Variants in KIF21A observed in about 807,000 individuals in gnomAD.
The protein encoded by KIF21A is kinesin family member 21A.
Under a neutral mutation model 202.9 loss-of-function variants are expected in KIF21A, and 114 were observed. That is an observed-to-expected ratio of 0.56 (90% confidence interval 0.48 to 0.66). The LOEUF (loss-of-function observed/expected upper bound fraction) is 0.66, where lower values mean the gene tolerates loss of function less well. Ranked by LOEUF, KIF21A falls within the 30% of genes least tolerant of loss-of-function variation. The pLI, the probability that KIF21A is intolerant of heterozygous loss-of-function variation, is 0.00. For missense variants in KIF21A, 1,677 were observed against 1,994.9 expected (o/e 0.84, Z 3.04); for synonymous variants, 667 against 670.8 (o/e 0.99, Z 0.09).
intron 33 of KIF21A, among the ~76,000 whole-genome samples, chr12:39,308,884 A>C (rs1943734284): frequency 6.6e-6 from 1 of 152,222 alleles, no homozygotes; most frequent in African/African-American, 2.4e-5. Flanking sequence ...ACTTAAAAAC[A>C]GTCTCTACTA....
At chr12:39,297,965 G>A (rs1323517875) in intron 37 of KIF21A, among the ~76,000 whole-genome samples, 1 of 150,182 alleles carries the variant, frequency 6.7e-6, no homozygotes, top group Non-Finnish European at 1.5e-5. Context: ...GCTCAATTTT[G>A]GATATGTTAA....
Position 39,315,920 on chromosome 12 carries a change from G to A in KIF21A, c.3947+12C>T, listed in dbSNP as rs770652677. 2 of 1,597,064 alleles carry A rather than the reference G, an allele frequency of 1.3e-6. No homozygotes were observed. Among genetic ancestry groups the A allele is most frequent in the East Asian group, 2.2e-5 (1 of 44,706 alleles). ...AAATTCCAGAATGTAGGAAAGGCAG[G>A]AAAGAAAGTACCTGTGTACCTCCGA... On this transcript the variant is annotated intron_variant, in intron 30 of 37. Coordinates refer to ENST00000361418, the MANE Select transcript of KIF21A (RefSeq NM_001173464.2).
At chr12:39,428,121 A>G (rs1246414326) in intron 1 of KIF21A, among the ~76,000 whole-genome samples, 1 of 152,234 alleles carries the variant, frequency 6.6e-6, no homozygotes, top group Non-Finnish European at 1.5e-5. Context: ...TTATCCTAAT[A>G]GCTTATATGT....
At chr12:39,315,533 T>C (rs1944439459) in intron 30 of KIF21A, among the ~76,000 whole-genome samples, 1 of 152,014 alleles carries the variant, frequency 6.6e-6, no homozygotes, top group African/African-American at 2.4e-5. Context: ...TTTAATCATA[T>C]AATCTTTTTA....
At chr12:39,311,378 A>C (rs1428736998) in intron 32 of KIF21A, 39 bp downstream of exon 32, 1 of 1,584,804 alleles carries the variant, frequency 6.3e-7, no homozygotes, top group South Asian at 1.1e-5. Context: ...TTTTTAAAAA[A>C]AAAGCTATTA....
chr12:39,302,496 A>G (rs996813163), intron 36 of KIF21A, among the ~76,000 whole-genome samples: 1 of 152,220 alleles, frequency 6.6e-6, no homozygotes, highest in Non-Finnish European at 1.5e-5. Context: ...TTATTGACAC[A>G]TCACTTCAAC....
chr12:39,298,164 G>C (rs930297571), intron 37 of KIF21A, among the ~76,000 whole-genome samples: 1 of 152,074 alleles, frequency 6.6e-6, no homozygotes, highest in Non-Finnish European at 1.5e-5. Context: ...CTGTGTGATA[G>C]CCCCAGCTAT....
At chr12:39,424,930 C>T (rs1954626433) in intron 1 of KIF21A, among the ~76,000 whole-genome samples, 1 of 152,138 alleles carries the variant, frequency 6.6e-6, no homozygotes, top group African/African-American at 2.4e-5. Context: ...TCTAAAATTT[C>T]CACCCAGACC....
At chr12:39,336,317 T>A (rs565324809) in intron 17 of KIF21A, among the ~76,000 whole-genome samples, 1 of 152,212 alleles carries the variant, frequency 6.6e-6, no homozygotes, top group East Asian at 1.9e-4. Flanking sequence ...AGAAAAATAA[T>A]CAACCATAAC....
intron 1 of KIF21A, among the ~76,000 whole-genome samples, chr12:39,428,389 C>A (rs1177184121): frequency 1.3e-5 from 2 of 152,194 alleles, no homozygotes; most frequent in African/African-American, 4.8e-5. Context: ...GATACCTTAT[C>A]TCTCAGAAAC....
At chr12:39,403,127 C>T (rs1952300148) in intron 1 of KIF21A, among the ~76,000 whole-genome samples, 1 of 152,030 alleles carries the variant, frequency 6.6e-6, no homozygotes, top group Admixed American at 6.6e-5. Flanking sequence ...AACCTTCAAA[C>T]ACCCCTTGAC....
rs766988336 is a variant in KIF21A at position 39,307,522 on chromosome 12, T to C, written c.4442+43A>G. Reference sequence around the variant, plus strand: ...CTAATGTTATTAATGTCTGAAGTTGTATTTGCCATAGGCAAGAGGTATGTT... The same window carrying C: ...CTAATGTTATTAATGTCTGAAGTTGCATTTGCCATAGGCAAGAGGTATGTT... On this transcript the variant is annotated intron_variant, in intron 34 of 37. Transcript: ENST00000361418. The C allele has an allele frequency of 3.8e-6, 6 of 1,576,010 alleles. No individual in the cohort carries two copies. The African/African-American group carries it at 8.1e-5, about 21-fold the overall frequency.
chr12:39,411,243 C>T (rs1953057377), intron 1 of KIF21A, among the ~76,000 whole-genome samples: 1 of 152,170 alleles, frequency 6.6e-6, no homozygotes. Flanking sequence ...AGAATGCCAA[C>T]TGTTTAATGA....
intron 1 of KIF21A, among the ~76,000 whole-genome samples, chr12:39,406,283 C>T (rs901097071): frequency 6.6e-6 from 1 of 152,178 alleles, no homozygotes; most frequent in Non-Finnish European, 1.5e-5. Context: ...GATTATACCT[C>T]CTTTGTGGGT....
chr12:39,324,034 C>T (rs944483521), intron 26 of KIF21A, among the ~76,000 whole-genome samples: 3 of 151,762 alleles, frequency 2.0e-5, no homozygotes, highest in Non-Finnish European at 4.4e-5. Context: ...GGTGTGAACC[C>T]GGAAGGCGGA....
Position 39,370,271 on chromosome 12 carries a change from A to G in KIF21A, c.45-10T>C. The G allele has an allele frequency of 6.3e-7, 1 of 1,587,006 alleles. No individual in the cohort carries two copies. Among genetic ancestry groups the G allele is most frequent in the Non-Finnish European group, 8.6e-7 (1 of 1,158,852 alleles). On this transcript the variant is annotated splice_polypyrimidine_tract_variant and intron_variant, in intron 1 of 37. Coordinates refer to ENST00000361418, the MANE Select transcript of KIF21A (RefSeq NM_001173464.2). ...AAGCTGTGGTCTTATTCTGTGAGAA[A>G]TAATCAGAAAAGAAAAAAATAAAAT...
At chr12:39,392,377 G>C (rs1032832201) in intron 1 of KIF21A, among the ~76,000 whole-genome samples, 2 of 152,118 alleles carry the variant, frequency 1.3e-5, no homozygotes, top group African/African-American at 4.8e-5. Context: ...ACCCCTGTTT[G>C]TATAACCACC....
intron 1 of KIF21A, among the ~76,000 whole-genome samples, chr12:39,382,494 G>A (rs918550303): frequency 2.0e-5 from 3 of 152,124 alleles, no homozygotes; most frequent in Non-Finnish European, 2.9e-5. Context: ...AAAGGGCAAT[G>A]TTGCATATGT....
At chr12:39,440,157 T>A (rs936953728) in intron 1 of KIF21A, among the ~76,000 whole-genome samples, 8 of 152,204 alleles carry the variant, frequency 5.3e-5, no homozygotes, top group African/African-American at 1.4e-4. Flanking sequence ...TAGTTCTATC[T>A]TTTCTAGCAA....
Sources: gnomAD v4.1 joint callset for allele counts (sites outside exome capture counted in the v4.1 genomes callset) on GRCh38, gnomAD v4.1.1 for gene constraint, MANE v1.5 for transcripts, NCBI Gene and HGNC (gene_info 2026-07-23, HGNC 2026-07-21) for gene names.